FRMD1: variants seen among roughly 807,000 people sequenced by gnomAD.
FRMD1 encodes the protein FERM domain containing 1.
Under a neutral mutation model 54.9 loss-of-function variants are expected in FRMD1, and 51 were observed. The observed-to-expected ratio is 0.93, with a 90% confidence interval of 0.74 to 1.17. FRMD1 has a LOEUF of 1.17. Ranked by LOEUF, FRMD1 falls within the 50% of genes most tolerant of loss-of-function variation. The pLI is 0.00. For missense variants in FRMD1, 729 were observed against 743.0 expected (o/e 0.98, Z 0.22); for synonymous variants, 324 against 306.4 (o/e 1.06, Z -0.60).
At chr6:168,077,904 G>A (rs1258305210) in intron 1 of FRMD1, among the ~76,000 whole-genome samples, 1 of 152,200 alleles carries the variant, frequency 6.6e-6, no homozygotes, top group Non-Finnish European at 1.5e-5. Flanking sequence ...CCAGCTTCTC[G>A]TTGCTGGGTG....
At chr6:168,065,759 C>T (rs1799994789) in intron 4 of FRMD1, 3 of 991,744 alleles carry the variant, frequency 3.0e-6, no homozygotes, top group Non-Finnish European at 3.6e-6. Context: ...CCCTCCCACA[C>T]AACCACACGC....
At position 168,078,871 on chromosome 6, in the gene FRMD1, G is replaced by T. The variant is rs574451496; in HGVS notation, c.213+11C>A. The T allele has an allele frequency of 1.3e-6, 2 of 1,567,476 alleles. No homozygotes were observed. Among genetic ancestry groups the T allele is most frequent in the Non-Finnish European group, 1.7e-6 (2 of 1,160,452 alleles). On this transcript the variant is annotated intron_variant, in intron 1 of 10. Coordinates refer to ENST00000283309, the MANE Select transcript of FRMD1 (RefSeq NM_024919.6). ...CTGTTTACCCCCACGGCCACCCAGG[G>T]CCCTGCTCACCCCCACGGCCAGCCG...
chr6:168,085,744 A>G (rs1421171758), upstream of FRMD1, among the ~76,000 whole-genome samples: 1 of 147,976 alleles, frequency 6.8e-6, no homozygotes, highest in Non-Finnish European at 1.5e-5. Flanking sequence ...TCGCCCAGCC[A>G]TAGCATCCAA....
At position 168,062,883 on chromosome 6, in the gene FRMD1, C is replaced by T; in HGVS notation, c.870+11G>A. 1 of 1,613,254 alleles carries T rather than the reference C, an allele frequency of 6.2e-7. No homozygotes were observed. The highest frequency in any genetic ancestry group is 8.5e-7 in the Non-Finnish European group (1 of 1,179,300). ...CGAGGGGCTCTGTGAGGCTGGAGCC[C>T]CTTCGGTCACCTGGTAGATGTGCAC... On this transcript the variant is annotated intron_variant, in intron 7 of 10. Coordinates refer to ENST00000283309, the MANE Select transcript of FRMD1 (RefSeq NM_024919.6).
chr6:168,075,822 G>A (rs1800564125), intron 1 of FRMD1: 6 of 1,547,020 alleles, frequency 3.9e-6, no homozygotes, highest in South Asian at 1.2e-5. Flanking sequence ...AACACCCAGC[G>A]TCTGGTGCGT....
chr6:168,071,340 ATAAT>A (rs1213144457), intron 2 of FRMD1, among the ~76,000 whole-genome samples: 1 of 152,250 alleles, frequency 6.6e-6, no homozygotes, highest in Non-Finnish European at 1.5e-5. Flanking sequence ...AACTTAAGAG[ATAAT>A]TAAAGTAAGA....
intron 1 of FRMD1, among the ~76,000 whole-genome samples, chr6:168,087,027 C>A (rs947547768): frequency 8.5e-5 from 13 of 152,192 alleles, no homozygotes; most frequent in Non-Finnish European, 1.2e-4. Context: ...CGCTCACACT[C>A]CCTTGGGCCT....
Position 168,059,489 on chromosome 6 carries a change from C to A in FRMD1, c.1343-301G>T, listed in dbSNP as rs1799603407. On this transcript the variant is annotated intron_variant, in intron 9 of 10. Coordinates refer to ENST00000283309, the MANE Select transcript of FRMD1 (RefSeq NM_024919.6). This position sits in a 1 kb window ranked among gnomAD's most constrained non-coding sequence, Gnocchi z 4.4. ...CCATCCCTTCCTGGTGGACCAGACACTCCAAGGGCAATGGCGGACACAGTG... is the reference window on the plus strand; with the variant it reads ...CCATCCCTTCCTGGTGGACCAGACAATCCAAGGGCAATGGCGGACACAGTG... Among the ~76,000 whole-genome samples, 1 of 152,232 alleles carries A rather than the reference C, an allele frequency of 6.6e-6. No individual in the cohort carries two copies. Among genetic ancestry groups the A allele is most frequent in the East Asian group, 1.9e-4 (1 of 5,192 alleles).
At chr6:168,066,641 T>G in intron 4 of FRMD1, 114 bp downstream of exon 4, 1 of 1,447,200 alleles carries the variant, frequency 6.9e-7, no homozygotes, top group African/African-American at 1.4e-5. Context: ...TGTTTGTTTG[T>G]TTTTTGTTTT....
upstream of FRMD1, among the ~76,000 whole-genome samples, chr6:168,084,572 G>T (rs990217376): frequency 6.6e-6 from 1 of 152,172 alleles, no homozygotes; most frequent in Non-Finnish European, 1.5e-5. Flanking sequence ...CATTGAGCTT[G>T]GTCCCCAGAC....
In FRMD1 at chr6:168,078,626, C is replaced by T. The variant is rs190281077; in HGVS notation, c.213+256G>A. 1.9e-4 allele frequency among the ~76,000 whole-genome samples: 25 copies of T among 134,080 alleles called. No individual in the cohort carries two copies. Among genetic ancestry groups the T allele is most frequent in the Admixed American group, 8.5e-4 (11 of 13,008 alleles). 88.0% of individuals were successfully genotyped at this position (134,080 alleles called of 152,430 possible). A position where few individuals can be genotyped will look rare whatever the true frequency, so the allele number is the denominator to read the frequency against. On this transcript the variant is annotated intron_variant, in intron 1 of 10. Coordinates refer to ENST00000283309, the MANE Select transcript of FRMD1 (RefSeq NM_024919.6). Reference sequence around the variant, plus strand: ...CTCACCCTCACGGCCCTGCTCACCCCCACAGCCTTGCTCACCCCCACGGCC... The same window carrying T: ...CTCACCCTCACGGCCCTGCTCACCCTCACAGCCTTGCTCACCCCCACGGCC...
At chr6:168,066,707 G>A (rs754358752) in intron 4 of FRMD1, 48 bp downstream of exon 4, 31 of 1,568,562 alleles carry the variant, frequency 2.0e-5, no homozygotes, top group Non-Finnish European at 2.7e-5. Flanking sequence ...TCATGCGGCA[G>A]ATTTTCAGTA....
At chr6:168,064,598 G>T (rs1301547097) in intron 5 of FRMD1, among the ~76,000 whole-genome samples, 2 of 152,220 alleles carry the variant, frequency 1.3e-5, no homozygotes, top group Non-Finnish European at 2.9e-5. Context: ...AAGCCAGAGT[G>T]CAAGGCCACA....
In FRMD1 at chr6:168,091,685, C is replaced by T. The variant is rs568209845; in HGVS notation, c.-12+9740G>A. Among the ~76,000 whole-genome samples, 45 of 152,374 alleles carry T rather than the reference C, an allele frequency of 3.0e-4. No individual in the cohort carries two copies. The East Asian group carries it at 7.1e-3, about 24-fold the overall frequency. The stretch of plus-strand genomic sequence containing the variant: ...TGCCGGCCCAGGGACCCTGAGAACA[C>T]GGCCTCCGAGTGACACATGGGCCCA... On this transcript the variant is annotated intron_variant, in intron 1 of 12. Transcript: ENST00000644440.
chr6:168,090,589 T>A (rs1800999705), intron 1 of FRMD1, among the ~76,000 whole-genome samples: 1 of 152,246 alleles, frequency 6.6e-6, no homozygotes, highest in African/African-American at 2.4e-5. Context: ...CATGGCTGCA[T>A]ACGGCGTTTA....
At chr6:168,075,872 CCGG>C (rs1800569467) in intron 1 of FRMD1, 41 of 1,247,394 alleles carry the variant, frequency 3.3e-5, no homozygotes, top group Non-Finnish European at 3.9e-5. Context: ...TTTCCGGTGC[CCGG>C]TGTCCACATT....
chr6:168,065,627 C>T, intron 4 of FRMD1: 1 of 986,644 alleles, frequency 1.0e-6, no homozygotes, highest in East Asian at 1.1e-4. Flanking sequence ...GACCTCCCCT[C>T]CAAGGCTATC....
chr6:168,063,810 C>A, intron 5 of FRMD1, 54 bp from the exon 6 acceptor site: 2 of 1,537,366 alleles, frequency 1.3e-6, no homozygotes, highest in Admixed American at 1.9e-5. Context: ...CCCCTTCCTC[C>A]TTGCCAGCCC....
chr6:168,082,004 GC>G (rs1800840282), upstream of FRMD1: 1 of 154,278 alleles, frequency 6.5e-6, no homozygotes, highest in Admixed American at 6.4e-5. Context: ...GCACCTGTGC[GC>G]CATAGGTCAA....
Sources: gnomAD v4.1 joint callset for allele counts (sites outside exome capture counted in the v4.1 genomes callset) on GRCh38, gnomAD v4.1.1 for gene constraint, Gnocchi (gnomAD v3.1) non-coding constraint, MANE v1.5 for transcripts, NCBI Gene and HGNC (gene_info 2026-07-23, HGNC 2026-07-21) for gene names.